The following COL24A1 variants were observed in gnomAD, a reference collection of about 807,000 sequenced individuals.
The protein encoded by COL24A1 is collagen alpha-1(XXIV) chain.
Under a neutral mutation model 253.9 loss-of-function variants are expected in COL24A1, and 224 were observed. That is an observed-to-expected ratio of 0.88 (90% CI 0.79 to 0.99). The LOEUF (loss-of-function observed/expected upper bound fraction) is 0.99, where lower values mean the gene tolerates loss of function less well. Among genes scored for constraint, COL24A1 ranks in the 50% least tolerant of loss-of-function variants. The pLI is 0.00. For missense variants in COL24A1, 2,131 were observed against 2,068.5 expected (o/e 1.03, Z -0.59); for synonymous variants, 685 against 673.7 (o/e 1.02, Z -0.26).
intron 24 of COL24A1, among the ~76,000 whole-genome samples, chr1:85,921,240 A>G (rs1199436292): frequency 6.6e-6 from 1 of 152,190 alleles, no homozygotes; most frequent in Non-Finnish European, 1.5e-5. Flanking sequence ...CAAATACTGC[A>G]GTTTTCCAAC....
intron 55 of COL24A1, among the ~76,000 whole-genome samples, chr1:85,756,595 G>C (rs1365920197): frequency 6.6e-6 from 1 of 152,198 alleles, no homozygotes; most frequent in Non-Finnish European, 1.5e-5. Flanking sequence ...GGAGAAACTG[G>C]AATCTTGTGC....
chr1:85,852,116 G>A (rs954201850), intron 37 of COL24A1, among the ~76,000 whole-genome samples: 1 of 152,042 alleles, frequency 6.6e-6, no homozygotes, highest in East Asian at 1.9e-4. Context: ...GTGTGTGCGC[G>A]CACGTGCGCA....
chr1:85,962,297 CT>C (rs1691162028), intron 23 of COL24A1, among the ~76,000 whole-genome samples: 1 of 152,126 alleles, frequency 6.6e-6, no homozygotes, highest in Admixed American at 6.6e-5. Flanking sequence ...ATCCATAAAT[CT>C]CTGAAAACTC....
At chr1:86,031,460 A>T (rs1287927444) in intron 14 of COL24A1, among the ~76,000 whole-genome samples, 1 of 152,138 alleles carries the variant, frequency 6.6e-6, no homozygotes, top group Admixed American at 6.6e-5. Context: ...TTCAAATTTG[A>T]TCATTACACA....
At chr1:85,930,053 AG>A (rs1449622632) in intron 24 of COL24A1, among the ~76,000 whole-genome samples, 2 of 66,884 alleles carry the variant, frequency 3.0e-5, no homozygotes, top group Non-Finnish European at 5.7e-5. Flanking sequence ...CACATTCAAA[AG>A]CTAGCAGAAG....
rs5775882 is a variant in COL24A1 at position 86,022,309 on chromosome 1, A to AACAG, written c.2203-20_2203-17dup. On this transcript the variant is annotated splice_polypyrimidine_tract_variant and intron_variant, in intron 17 of 59. Coordinates refer to ENST00000370571, the MANE Select transcript of COL24A1 (RefSeq NM_152890.7). ...CAACAGCACCCTAAGAGAAGAGAAT[A>AACAG]ACAGAAGAGAAAGTTATTATACCAC... is the stretch of plus-strand genomic sequence containing the variant. 1,008,093 of 1,580,040 alleles carry AACAG rather than the reference A, an allele frequency of 0.64. 329,387 individuals are homozygous for AACAG. Among genetic ancestry groups the AACAG allele is most frequent in the African/African-American group, 0.91 (67,034 of 74,048 alleles).
intron 24 of COL24A1, among the ~76,000 whole-genome samples, chr1:85,918,704 A>G (rs936621977): frequency 6.6e-6 from 1 of 152,186 alleles, no homozygotes; most frequent in Non-Finnish European, 1.5e-5. Flanking sequence ...ATGGAATCTA[A>G]GATATCATGG....
intron 3 of COL24A1, among the ~76,000 whole-genome samples, chr1:86,121,548 T>C (rs1384202383): frequency 6.6e-6 from 1 of 151,712 alleles, no homozygotes; most frequent in Non-Finnish European, 1.5e-5. Flanking sequence ...ATTTAAAAAA[T>C]ATGAAAGAGC....
intron 37 of COL24A1, among the ~76,000 whole-genome samples, chr1:85,854,913 G>A (rs1302647368): frequency 4.6e-5 from 7 of 151,866 alleles, no homozygotes; most frequent in South Asian, 4.2e-4. Flanking sequence ...CATGTTGGCC[G>A]GGATGGTCTT....
intron 47 of COL24A1, among the ~76,000 whole-genome samples, chr1:85,788,797 G>A (rs984405306): frequency 1.3e-5 from 2 of 152,148 alleles, no homozygotes; most frequent in African/African-American, 4.8e-5. Context: ...AGTTCCCCCA[G>A]CACCATTTAT....
chr1:85,778,235 C>T (rs1192133338), intron 52 of COL24A1, among the ~76,000 whole-genome samples: 1 of 151,974 alleles, frequency 6.6e-6, no homozygotes, highest in Non-Finnish European at 1.5e-5. Flanking sequence ...TCTTGAGTAG[C>T]TGGGACTACA....
At chr1:86,034,167 A>G (rs1379401487) in intron 12 of COL24A1, among the ~76,000 whole-genome samples, 2 of 152,148 alleles carry the variant, frequency 1.3e-5, no homozygotes, top group Non-Finnish European at 2.9e-5. Flanking sequence ...ACATATACAG[A>G]AAACAAAATT....
At chr1:85,861,233 T>C (rs1037927364) in intron 37 of COL24A1, among the ~76,000 whole-genome samples, 2 of 152,188 alleles carry the variant, frequency 1.3e-5, no homozygotes, top group African/African-American at 4.8e-5. Flanking sequence ...TTTGTAATGA[T>C]ATTGAGCATC....
At chr1:85,957,351 G>C (rs942486291) in intron 24 of COL24A1, among the ~76,000 whole-genome samples, 7 of 151,968 alleles carry the variant, frequency 4.6e-5, no homozygotes, top group African/African-American at 1.7e-4. Flanking sequence ...AGAACTTAAA[G>C]TATAATTTAA....
At chr1:85,970,347 T>A (rs1470751973) in intron 21 of COL24A1, 76 bp from the exon 22 acceptor site, 1 of 1,332,208 alleles carries the variant, frequency 7.5e-7, no homozygotes, top group Non-Finnish European at 1.0e-6. Context: ...ATTTTCTCTA[T>A]TTATTCTAAA....
At chr1:85,737,366 C>A (rs117338057) in intron 58 of COL24A1, 30 bp downstream of exon 58, 11 of 1,408,404 alleles carry the variant, frequency 7.8e-6, no homozygotes, top group African/African-American at 7.1e-5. Flanking sequence ...TGCAATATAA[C>A]GACATGTGTT....
chr1:85,789,343 T>A (rs889453683), intron 47 of COL24A1, among the ~76,000 whole-genome samples: 1 of 152,154 alleles, frequency 6.6e-6, no homozygotes, highest in African/African-American at 2.4e-5. Context: ...AGTTCACTCA[T>A]GATTTGGTTC....
chr1:85,989,903 T>C (rs1694087081), intron 19 of COL24A1, among the ~76,000 whole-genome samples: 1 of 152,170 alleles, frequency 6.6e-6, no homozygotes, highest in African/African-American at 2.4e-5. Flanking sequence ...TTAGGTTGCT[T>C]CTAAGAACTC....
At chr1:86,147,874 T>C (rs1416929133) in intron 1 of COL24A1, among the ~76,000 whole-genome samples, 1 of 152,362 alleles carries the variant, frequency 6.6e-6, no homozygotes, top group Non-Finnish European at 1.5e-5. Flanking sequence ...CCTTTTAAAA[T>C]CCTTTCCTAC....
Sources: allele counts gnomAD v4.1 joint callset (sites outside exome capture counted in the v4.1 genomes callset), GRCh38; gene constraint gnomAD v4.1.1; transcripts MANE v1.5; gene names NCBI Gene and HGNC (gene_info 2026-07-23, HGNC 2026-07-21).